NTM: variants seen among roughly 807,000 people sequenced by gnomAD.
NTM encodes the protein neurotrimin.
Under a neutral mutation model 42.1 loss-of-function variants are expected in NTM, and 13 were observed. The ratio of observed to expected loss-of-function variants is 0.31; its 90% CI spans 0.20 to 0.49. NTM has a LOEUF of 0.49. NTM is among the 20% of genes least tolerant of loss of function. NTM has a pLI of 0.99. For missense variants in NTM, 373 were observed against 452.8 expected (o/e 0.82, Z 1.60); for synonymous variants, 187 against 179.2 (o/e 1.04, Z -0.35).
chr11:131,693,151 T>C (rs2074998394), intron 1 of NTM, among the ~76,000 whole-genome samples: 1 of 151,676 alleles, frequency 6.6e-6, no homozygotes, highest in African/African-American at 2.4e-5. Context: ...AGGGCAGAGG[T>C]GGGCTGGGGA....
At chr11:131,777,890 C>T in intron 1 of NTM, among the ~76,000 whole-genome samples, 1 of 152,068 alleles carries the variant, frequency 6.6e-6, no homozygotes, top group Non-Finnish European at 1.5e-5. Context: ...GAGTTTTTAG[C>T]TATGAGCAAA....
chr11:131,896,434 A>T (rs1396600199), intron 1 of NTM, among the ~76,000 whole-genome samples: 1 of 152,210 alleles, frequency 6.6e-6, no homozygotes, highest in East Asian at 1.9e-4. Context: ...CATGAATGTG[A>T]CAGCTAAGCA....
intron 1 of NTM, among the ~76,000 whole-genome samples, chr11:131,461,611 G>A (rs541569099): frequency 6.6e-6 from 1 of 152,298 alleles, no homozygotes; most frequent in East Asian, 1.9e-4. Context: ...AATAAGTTAT[G>A]AAGACAAATG....
At chr11:132,240,067 GTCCA>G (rs547649451) in intron 4 of NTM, among the ~76,000 whole-genome samples, 14 of 91,158 alleles carry the variant, frequency 1.5e-4, no homozygotes, top group South Asian at 1.3e-3. Flanking sequence ...CCCTCCATCC[GTCCA>G]TCCATCCATC....
rs114211619 is a variant in NTM, at chr11:132,006,307, T to A, written c.167+94659T>A. Among the ~76,000 whole-genome samples, 940 of 152,040 alleles carry A rather than the reference T, an allele frequency of 6.2e-3. 8 individuals are homozygous for A. Among genetic ancestry groups the A allele is most frequent in the African/African-American group, 0.022 (898 of 41,448 alleles). On this transcript the variant is annotated intron_variant, in intron 2 of 8. Coordinates refer to ENST00000683400, the MANE Select transcript of NTM (RefSeq NM_001352005.2). ...ATGGCCATTGATTTAACAGAAACAG[T>A]TTTATTTGTTTGTGGTTTTTTTCCC...
chr11:131,817,294 C>T (rs1462550138), intron 1 of NTM, among the ~76,000 whole-genome samples: 1 of 152,156 alleles, frequency 6.6e-6, no homozygotes, highest in Admixed American at 6.5e-5. Flanking sequence ...AGCAATACGA[C>T]CTTAGGGCAT....
chr11:132,046,294 A>G (rs11222884), intron 2 of NTM, among the ~76,000 whole-genome samples: 11,517 of 152,158 alleles, frequency 0.076, 480 homozygotes, highest in South Asian at 0.17. Flanking sequence ...AAGACAAACC[A>G]TATTGTATTT....
At chr11:132,019,066 TTCTC>T (rs764434372) in intron 2 of NTM, among the ~76,000 whole-genome samples, 5 of 151,976 alleles carry the variant, frequency 3.3e-5, no homozygotes, top group African/African-American at 1.2e-4. Context: ...ACTATTTTTC[TTCTC>T]TCTTTTTCCT....
chr11:132,131,479 G>T (rs1357409206), intron 2 of NTM, among the ~76,000 whole-genome samples: 2 of 152,214 alleles, frequency 1.3e-5, no homozygotes, highest in Admixed American at 6.5e-5. Flanking sequence ...GCTGGCAAAG[G>T]TTATGATGGA....
intron 1 of NTM, among the ~76,000 whole-genome samples, chr11:131,687,363 G>A (rs2074019321): frequency 6.6e-6 from 1 of 152,092 alleles, no homozygotes; most frequent in African/African-American, 2.4e-5. Flanking sequence ...TTGCGGCTTC[G>A]GGCAGGGACA....
At chr11:132,320,237 G>A (rs1384821406) in intron 7 of NTM, among the ~76,000 whole-genome samples, 2 of 152,226 alleles carry the variant, frequency 1.3e-5, no homozygotes, top group Non-Finnish European at 2.9e-5. Flanking sequence ...CAGAAGATGG[G>A]TGATTTCTGC....
chr11:131,709,436 A>G (rs928471093), intron 1 of NTM, among the ~76,000 whole-genome samples: 1 of 152,248 alleles, frequency 6.6e-6, no homozygotes, highest in Non-Finnish European at 1.5e-5. Flanking sequence ...TGGAAGCAGT[A>G]GAGGTGACAA....
At chr11:132,190,956 C>A (rs1189233831) in intron 3 of NTM, among the ~76,000 whole-genome samples, 2 of 150,624 alleles carry the variant, frequency 1.3e-5, no homozygotes, top group African/African-American at 4.9e-5. Context: ...TTTTTTTTGT[C>A]ATTTTGCTTT....
At chr11:131,783,076 G>A (rs1319339945) in intron 1 of NTM, among the ~76,000 whole-genome samples, 2 of 152,060 alleles carry the variant, frequency 1.3e-5, no homozygotes, top group Non-Finnish European at 2.9e-5. Context: ...TGTGTACATA[G>A]AAAATTCAAA....
intron 2 of NTM, among the ~76,000 whole-genome samples, chr11:132,054,863 T>A (rs2079380746): frequency 6.6e-6 from 1 of 152,144 alleles, no homozygotes; most frequent in Non-Finnish European, 1.5e-5. Flanking sequence ...GATGATGGAA[T>A]TGAGATGGAG....
chr11:131,401,617 C>T (rs550330773), intron 1 of NTM, among the ~76,000 whole-genome samples: 125 of 151,026 alleles, frequency 8.3e-4, no homozygotes, highest in African/African-American at 2.8e-3. Context: ...ATCCTTTATA[C>T]CCACCTGTGC....
At chr11:132,084,200 A>G (rs886784709) in intron 2 of NTM, among the ~76,000 whole-genome samples, 2 of 152,136 alleles carry the variant, frequency 1.3e-5, no homozygotes, top group African/African-American at 4.8e-5. Flanking sequence ...TTTGAAGGGG[A>G]TAAAAACAAG....
intron 1 of NTM, among the ~76,000 whole-genome samples, chr11:131,873,537 T>TGTATATATATACATATATATATACC (rs1565657196): frequency 1.2e-4 from 9 of 72,128 alleles, no homozygotes; most frequent in Non-Finnish European, 1.8e-4. Flanking sequence ...TGTGTGTGTG[T>TGTATATATATACATATATATATACC]GTATATATAT....
chr11:131,962,148 G>A (rs2062257977), intron 2 of NTM, among the ~76,000 whole-genome samples: 1 of 152,016 alleles, frequency 6.6e-6, no homozygotes, highest in Non-Finnish European at 1.5e-5. Context: ...GGGTGCATAT[G>A]TCCTGCAATA....
Sources: gnomAD v4.1 joint callset for allele counts (sites outside exome capture counted in the v4.1 genomes callset) on GRCh38, gnomAD v4.1.1 for gene constraint, MANE v1.5 for transcripts, NCBI Gene and HGNC (gene_info 2026-07-23, HGNC 2026-07-21) for gene names.